GABRA2: variants seen among roughly 807,000 people sequenced by gnomAD.
The protein encoded by GABRA2 is gamma-aminobutyric acid type A receptor subunit alpha2.
Under a neutral mutation model 48.7 loss-of-function variants are expected in GABRA2, and 16 were observed. That is an observed-to-expected ratio of 0.33 (90% CI 0.22 to 0.50). The LOEUF is 0.50. Ranked by LOEUF, GABRA2 falls within the 20% of genes least tolerant of loss-of-function variation. The probability of loss-of-function intolerance (pLI) is 0.98; values close to 1 mark genes in which losing one functional copy is unlikely to be tolerated. For missense variants in GABRA2, 275 were observed against 535.6 expected, an observed-to-expected ratio of 0.51 and a Z score of 4.80; for synonymous variants, 185 against 184.5, an observed-to-expected ratio of 1.00 and a Z score of -0.02.
intron 8 of GABRA2, among the ~76,000 whole-genome samples, chr4:46,298,642 T>C (rs941656734): frequency 1.3e-5 from 2 of 152,012 alleles, no homozygotes; most frequent in African/African-American, 2.4e-5. Context: ...TGTTAATAAC[T>C]GTGTGTAGAA....
chr4:46,371,829 T>A (rs73133240), intron 3 of GABRA2, among the ~76,000 whole-genome samples: 6,099 of 152,190 alleles, frequency 0.04, 432 homozygotes, highest in African/African-American at 0.14. Context: ...TGTCAAAAAA[T>A]TGATATTATA....
chr4:46,310,324 C>T (rs1727422225), intron 5 of GABRA2, 69 bp from the exon 6 acceptor site: 1 of 1,059,580 alleles, frequency 9.4e-7, no homozygotes, highest in Non-Finnish European at 1.5e-6. Flanking sequence ...CGTCATTACT[C>T]TCAACAGACT....
At chr4:46,348,440 A>T (rs1042380310) in intron 3 of GABRA2, among the ~76,000 whole-genome samples, 25 of 152,046 alleles carry the variant, frequency 1.6e-4, no homozygotes, top group Non-Finnish European at 3.2e-4. Flanking sequence ...TAACCAAAGG[A>T]CTATAAATCA....
chr4:46,288,143 A>G (rs1039051022), intron 8 of GABRA2, among the ~76,000 whole-genome samples: 2 of 152,172 alleles, frequency 1.3e-5, no homozygotes, highest in Non-Finnish European at 2.9e-5. Context: ...TGCGGGAGTT[A>G]CAATTCAAGA....
At chr4:46,320,156 T>C (rs536225762) in intron 4 of GABRA2, among the ~76,000 whole-genome samples, 15 of 151,950 alleles carry the variant, frequency 9.9e-5, no homozygotes, top group Non-Finnish European at 2.9e-5. Flanking sequence ...AACTAAGTTG[T>C]AGGGCTGAGA....
intron 3 of GABRA2, among the ~76,000 whole-genome samples, chr4:46,357,039 G>C (rs564369600): frequency 1.3e-5 from 2 of 150,750 alleles, no homozygotes; most frequent in Non-Finnish European, 3.0e-5. Context: ...TTTGCTTCCC[G>C]TGATAAGCAC....
chr4:46,259,402 A>G (rs1716501648), intron 9 of GABRA2, among the ~76,000 whole-genome samples: 1 of 151,888 alleles, frequency 6.6e-6, no homozygotes, highest in African/African-American at 2.4e-5. Flanking sequence ...ATCCTGCCCA[A>G]GCTCACAGAG....
intron 9 of GABRA2, among the ~76,000 whole-genome samples, chr4:46,253,106 T>C (rs1417469850): frequency 6.6e-6 from 1 of 151,430 alleles, no homozygotes; most frequent in African/African-American, 2.4e-5. Flanking sequence ...GTAGGACATT[T>C]ATGTTGGATG....
At chr4:46,372,624 C>T (rs1396151898) in intron 3 of GABRA2, among the ~76,000 whole-genome samples, 1 of 152,178 alleles carries the variant, frequency 6.6e-6, no homozygotes, top group Non-Finnish European at 1.5e-5. Context: ...TTTCCTATTA[C>T]ACTCAGGCAA....
At chr4:46,307,887 G>A (rs189687489) in intron 6 of GABRA2, among the ~76,000 whole-genome samples, 69 of 152,218 alleles carry the variant, frequency 4.5e-4, no homozygotes, top group African/African-American at 1.5e-3. Context: ...AGCCTCTCCC[G>A]AAGAGGGCGA....
intron 8 of GABRA2, among the ~76,000 whole-genome samples, chr4:46,266,264 A>G (rs941556110): frequency 1.4e-4 from 21 of 148,358 alleles, no homozygotes; most frequent in Non-Finnish European, 2.7e-4. Flanking sequence ...ATATTTTAAT[A>G]TTTTATATTA....
intron 5 of GABRA2, among the ~76,000 whole-genome samples, chr4:46,310,534 T>C (rs1026166765): frequency 2.6e-5 from 4 of 152,140 alleles, no homozygotes; most frequent in Non-Finnish European, 5.9e-5. Flanking sequence ...TTTAAATGGC[T>C]CCTTTCTCAT....
intron 9 of GABRA2, among the ~76,000 whole-genome samples, chr4:46,256,791 A>G (rs1370630352): frequency 6.6e-6 from 1 of 151,734 alleles, no homozygotes; most frequent in Non-Finnish European, 1.5e-5. Context: ...GATGTTATAA[A>G]TGCAAATAAA....
intron 3 of GABRA2, among the ~76,000 whole-genome samples, chr4:46,350,161 T>C (rs1355800197): frequency 6.6e-6 from 1 of 151,916 alleles, no homozygotes; most frequent in African/African-American, 2.4e-5. Context: ...TTTACTCTGA[T>C]ATGAAATCCC....
rs1486153119 is a variant in GABRA2 at position 46,284,021 on chromosome 4, A to C, written c.856+19439T>G. Reference sequence around the variant, plus strand: ...TGATCTGCCCACCTCAGCCTCCCAAAGTGCTGGGACTACAGGCATGAGCCA... The same window carrying C: ...TGATCTGCCCACCTCAGCCTCCCAACGTGCTGGGACTACAGGCATGAGCCA... On this transcript the variant is annotated intron_variant, in intron 8 of 9. Coordinates refer to ENST00000381620, the MANE Select transcript of GABRA2 (RefSeq NM_000807.4). 2.7e-5 allele frequency among the ~76,000 whole-genome samples: 4 copies of C among 150,770 alleles called. No homozygotes were observed. The East Asian group carries it at 5.9e-4, about 22-fold the overall frequency.
At chr4:46,252,147 A>C (rs940147072) in intron 9 of GABRA2, among the ~76,000 whole-genome samples, 8 of 151,442 alleles carry the variant, frequency 5.3e-5, no homozygotes, top group Non-Finnish European at 1.2e-4. Flanking sequence ...TTCTAAAAAC[A>C]GTCATGGATT....
intron 4 of GABRA2, among the ~76,000 whole-genome samples, chr4:46,318,384 T>C (rs1026370169): frequency 6.6e-6 from 1 of 151,394 alleles, no homozygotes; most frequent in Non-Finnish European, 1.5e-5. Context: ...TTTTTGTATG[T>C]TTTGTTTTCT....
At position 46,288,512 on chromosome 4, in the gene GABRA2, T is replaced by G. The variant is rs547000732; in HGVS notation, c.856+14948A>C. On this transcript the variant is annotated intron_variant, in intron 8 of 9. Coordinates refer to ENST00000381620, the MANE Select transcript of GABRA2 (RefSeq NM_000807.4). ...TGTGCTAGGGTAATGGCTAGCCATATGCAGAAGATTGAAACTGTATCCCTT... is the reference window on the plus strand; with the variant it reads ...TGTGCTAGGGTAATGGCTAGCCATAGGCAGAAGATTGAAACTGTATCCCTT... Among the ~76,000 whole-genome samples the G allele has an allele frequency of 2.0e-5, 3 of 152,308 alleles. No individual in the cohort carries two copies. In the South Asian group the frequency reaches 6.2e-4, roughly 32 times the overall value.
chr4:46,331,862 C>T (rs1027682049), intron 4 of GABRA2, among the ~76,000 whole-genome samples: 28 of 152,032 alleles, frequency 1.8e-4, no homozygotes, highest in Admixed American at 5.2e-4. Context: ...CTTCTGACCA[C>T]AGGCATGTGC....
Sources: gnomAD v4.1 joint callset for allele counts (sites outside exome capture counted in the v4.1 genomes callset) on GRCh38, gnomAD v4.1.1 for gene constraint, MANE v1.5 for transcripts, NCBI Gene and HGNC (gene_info 2026-07-23, HGNC 2026-07-21) for gene names.